The following TTC28 variants were observed in gnomAD, a reference collection of about 807,000 sequenced individuals.
TTC28 encodes the protein tetratricopeptide repeat protein 28.
TTC28 carries 61 observed loss-of-function variants against 198.0 expected under a neutral mutation model. That is an observed-to-expected ratio of 0.31 (90% CI 0.25 to 0.38). TTC28 has a LOEUF of 0.38. Among genes scored for constraint, TTC28 ranks in the 10% least tolerant of loss-of-function variants. TTC28 has a pLI of 1.00. For synonymous variants in TTC28, 1,171 were observed against 1,297.8 expected (o/e 0.90, Z 2.10); for missense variants, 2,678 against 3,164.0 (o/e 0.85, Z 3.69).
chr22:28,270,116 C>G (rs1416489284), intron 5 of TTC28, among the ~76,000 whole-genome samples: 2 of 152,102 alleles, frequency 1.3e-5, no homozygotes, highest in African/African-American at 4.8e-5. Context: ...GTGGCTGCAT[C>G]ACAGCTTGGT....
chr22:28,124,000 TATATTTTTTACTTCTACTTC>T (rs1942855140), intron 6 of TTC28, among the ~76,000 whole-genome samples: 1 of 152,038 alleles, frequency 6.6e-6, no homozygotes, highest in Non-Finnish European at 1.5e-5. Flanking sequence ...AGAAAAAATA[TATATTTTTTACTTCTACTTC>T]ATGTCTTTTT....
chr22:28,433,415 T>C (rs143725375), intron 2 of TTC28, among the ~76,000 whole-genome samples: 36 of 152,264 alleles, frequency 2.4e-4, no homozygotes, highest in Middle Eastern at 3.4e-3. Flanking sequence ...TGAATAGCTA[T>C]GTGATCCCAA....
intron 2 of TTC28, among the ~76,000 whole-genome samples, chr22:28,587,274 G>A (rs1028617362): frequency 6.6e-6 from 1 of 152,182 alleles, no homozygotes; most frequent in Non-Finnish European, 1.5e-5. Context: ...CATGAGAATT[G>A]TTTGAACATC....
At chr22:28,365,272 C>A (rs1301811724) in intron 2 of TTC28, among the ~76,000 whole-genome samples, 1 of 152,246 alleles carries the variant, frequency 6.6e-6, no homozygotes, top group African/African-American at 2.4e-5. Context: ...TAATAGACTA[C>A]ATTACAGTGT....
rs570559356 is a variant in TTC28, at chr22:28,304,591, G to A, written c.529+1905C>T. Among the ~76,000 whole-genome samples, 10 of 152,284 alleles carry A rather than the reference G, an allele frequency of 6.6e-5. No individual in the cohort carries two copies. The South Asian group carries it at 1.9e-3, about 28-fold the overall frequency. On this transcript the variant is annotated intron_variant, in intron 3 of 22. Coordinates refer to ENST00000397906, the MANE Select transcript of TTC28 (RefSeq NM_001145418.2). ...TAGGTCACTTACATAAGATGGGAAA[G>A]AACCTGGTAGAGAAAACCCTAAGGG...
chr22:28,189,249 G>C (rs1267318928), intron 5 of TTC28, among the ~76,000 whole-genome samples: 1 of 152,076 alleles, frequency 6.6e-6, no homozygotes, highest in South Asian at 2.1e-4. Context: ...TGCACCTTTT[G>C]AGTGCCATAC....
intron 5 of TTC28, among the ~76,000 whole-genome samples, chr22:28,283,559 A>T (rs1033164738): frequency 6.6e-6 from 1 of 152,156 alleles, no homozygotes; most frequent in African/African-American, 2.4e-5. Flanking sequence ...TTTCTCACAA[A>T]GTCAAAAATA....
chr22:28,443,366 C>A (rs888556732), intron 2 of TTC28, among the ~76,000 whole-genome samples: 5 of 152,208 alleles, frequency 3.3e-5, no homozygotes, highest in African/African-American at 1.2e-4. Flanking sequence ...CCCTCACGCG[C>A]AGCCTGGAGC....
At chr22:28,669,461 T>C (rs1309696222) in intron 1 of TTC28, among the ~76,000 whole-genome samples, 3 of 152,130 alleles carry the variant, frequency 2.0e-5, no homozygotes, top group South Asian at 2.1e-4. Context: ...AGGTACAATT[T>C]ACCCAATTAT....
intron 2 of TTC28, among the ~76,000 whole-genome samples, chr22:28,602,982 C>G (rs1191682250): frequency 6.6e-6 from 1 of 152,106 alleles, no homozygotes; most frequent in Non-Finnish European, 1.5e-5. Flanking sequence ...CGGGTTCCAG[C>G]GATTCTCCTG....
chr22:28,123,791 T>C (rs1006987043), intron 6 of TTC28, among the ~76,000 whole-genome samples: 3 of 152,010 alleles, frequency 2.0e-5, no homozygotes, highest in East Asian at 3.9e-4. Flanking sequence ...GAGACCAGCC[T>C]GGGCAACATG....
chr22:28,073,345 A>G (rs570418060), intron 12 of TTC28, among the ~76,000 whole-genome samples: 11 of 152,338 alleles, frequency 7.2e-5, no homozygotes, highest in Admixed American at 2.0e-4. Context: ...CCAGGGACAT[A>G]TATCTGTGTC....
chr22:28,311,530 G>A (rs1206206214), intron 2 of TTC28, among the ~76,000 whole-genome samples: 3 of 152,086 alleles, frequency 2.0e-5, no homozygotes, highest in Non-Finnish European at 4.4e-5. Flanking sequence ...AATTTTTGCA[G>A]GTACACAGTA....
At chr22:28,580,617 T>C (rs1379637105) in intron 2 of TTC28, among the ~76,000 whole-genome samples, 1 of 152,200 alleles carries the variant, frequency 6.6e-6, no homozygotes, top group Non-Finnish European at 1.5e-5. Context: ...ATTATAAAAA[T>C]ATTTACCAAA....
intron 5 of TTC28, among the ~76,000 whole-genome samples, chr22:28,256,983 T>C (rs1285213665): frequency 6.6e-6 from 1 of 152,168 alleles, no homozygotes; most frequent in Non-Finnish European, 1.5e-5. Flanking sequence ...GAGGTTACAG[T>C]GAGCTATGAT....
At chr22:28,568,471 C>T (rs1057407773) in intron 2 of TTC28, among the ~76,000 whole-genome samples, 1 of 152,176 alleles carries the variant, frequency 6.6e-6, no homozygotes, top group Non-Finnish European at 1.5e-5. Context: ...CCTGTAGTCT[C>T]TGTCTAAAGG....
At chr22:28,531,827 T>A (rs564454931) in intron 2 of TTC28, among the ~76,000 whole-genome samples, 6 of 152,034 alleles carry the variant, frequency 3.9e-5, no homozygotes, top group African/African-American at 1.4e-4. Flanking sequence ...CATAACGAAA[T>A]GAAGGCAGAA....
intron 1 of TTC28, among the ~76,000 whole-genome samples, chr22:28,651,832 T>TTTTG (rs144955021): frequency 5.5e-4 from 84 of 152,144 alleles, no homozygotes; most frequent in Non-Finnish European, 9.1e-4. Context: ...TGAATGCAGT[T>TTTTG]TTTGTTTGTT....
At chr22:28,270,290 A>G (rs904029736) in intron 5 of TTC28, among the ~76,000 whole-genome samples, 11 of 152,358 alleles carry the variant, frequency 7.2e-5, no homozygotes, top group Non-Finnish European at 1.3e-4. Context: ...TATTTTTTAA[A>G]AAGAGCAAAT....
Sources: gnomAD v4.1 joint callset for allele counts (sites outside exome capture counted in the v4.1 genomes callset) on GRCh38, gnomAD v4.1.1 for gene constraint, MANE v1.5 for transcripts, NCBI Gene and HGNC (gene_info 2026-07-23, HGNC 2026-07-21) for gene names.